Variants in KIAA1328 observed in about 807,000 individuals in gnomAD.
KIAA1328 encodes protein hinderin.
KIAA1328 carries 52 observed loss-of-function variants against 68.1 expected under a neutral mutation model. The observed-to-expected ratio is 0.76, with a 90% CI of 0.61 to 0.96. The LOEUF (loss-of-function observed/expected upper bound fraction) is 0.96, where lower values mean the gene tolerates loss of function less well. Among genes scored for constraint, KIAA1328 ranks in the 40% least tolerant of loss-of-function variants. The pLI is 0.00. For synonymous variants in KIAA1328, 232 were observed against 239.4 expected, an observed-to-expected ratio of 0.97 and a Z score of 0.28; for missense variants, 641 against 677.6, an observed-to-expected ratio of 0.95 and a Z score of 0.60.
intron 7 of KIAA1328, among the ~76,000 whole-genome samples, chr18:37,089,135 G>A (rs2057192146): frequency 6.6e-6 from 1 of 151,978 alleles, no homozygotes; most frequent in Non-Finnish European, 1.5e-5. Context: ...TTTCCTAGGA[G>A]GGTGTGGTGG....
chr18:37,114,726 T>C (rs2058050293), intron 7 of KIAA1328, among the ~76,000 whole-genome samples: 2 of 151,766 alleles, frequency 1.3e-5, no homozygotes, highest in South Asian at 4.2e-4. Context: ...CAGGAGCTGG[T>C]TTTTTTGAAA....
chr18:36,880,299 G>C (rs1345176821), intron 4 of KIAA1328, among the ~76,000 whole-genome samples: 1 of 152,124 alleles, frequency 6.6e-6, no homozygotes, highest in Non-Finnish European at 1.5e-5. Context: ...CCAATGCCTT[G>C]CGCTTCCGGG....
At chr18:37,161,220 C>CA (rs1397252639) in intron 8 of KIAA1328, among the ~76,000 whole-genome samples, 1 of 152,186 alleles carries the variant, frequency 6.6e-6, no homozygotes, top group Non-Finnish European at 1.5e-5. Context: ...TGGTGTCATG[C>CA]AACCTACTTT....
intron 9 of KIAA1328, among the ~76,000 whole-genome samples, chr18:37,212,359 G>A (rs927194060): frequency 6.6e-6 from 1 of 152,084 alleles, no homozygotes; most frequent in Non-Finnish European, 1.5e-5. Flanking sequence ...TCATACCATA[G>A]AAAATGTCAT....
At chr18:37,008,548 G>C (rs1269239093) in intron 6 of KIAA1328, among the ~76,000 whole-genome samples, 1 of 152,168 alleles carries the variant, frequency 6.6e-6, no homozygotes, top group Non-Finnish European at 1.5e-5. Context: ...CATCTCTCTA[G>C]AGAAAAGATA....
intron 6 of KIAA1328, among the ~76,000 whole-genome samples, chr18:37,034,441 A>G (rs1434660977): frequency 6.6e-6 from 1 of 152,174 alleles, no homozygotes; most frequent in Non-Finnish European, 1.5e-5. Context: ...GAGTTGAATA[A>G]GAACTACAGA....
At chr18:37,140,537 A>G (rs963984662) in intron 7 of KIAA1328, among the ~76,000 whole-genome samples, 2 of 152,092 alleles carry the variant, frequency 1.3e-5, no homozygotes, top group Non-Finnish European at 1.5e-5. Context: ...AACTTCAAGA[A>G]CTGAGAATGT....
chr18:37,057,848 G>C (rs1362891643), intron 6 of KIAA1328, among the ~76,000 whole-genome samples: 3 of 152,114 alleles, frequency 2.0e-5, no homozygotes, highest in Admixed American at 1.3e-4. Flanking sequence ...GAGCTGTGCA[G>C]CTATGACAAG....
In KIAA1328 at chr18:36,848,678, A is replaced by G. The variant is rs1328275376; in HGVS notation, c.332+4376A>G. Among the ~76,000 whole-genome samples the G allele has an allele frequency of 1.4e-4, 21 of 150,428 alleles. No individual in the cohort carries two copies. The Admixed American group carries it at 1.4e-3, about 10-fold the overall frequency. On this transcript the variant is annotated intron_variant, in intron 4 of 9. Coordinates refer to ENST00000280020, the MANE Select transcript of KIAA1328 (RefSeq NM_020776.3). ...AATCTTTCACCATTATGTACAATGTAAGCTGTACATTTTTTAATAGATGTT... is the reference window on the plus strand; with the variant it reads ...AATCTTTCACCATTATGTACAATGTGAGCTGTACATTTTTTAATAGATGTT...
downstream of KIAA1328, chr18:37,229,649 C>G (rs542307782): frequency 1.1e-6 from 1 of 883,082 alleles, no homozygotes. Context: ...CCGAGGCAGC[C>G]GGATCATGAG....
At chr18:36,924,217 ATGTTT>A (rs2050031145) in intron 5 of KIAA1328, among the ~76,000 whole-genome samples, 1 of 152,154 alleles carries the variant, frequency 6.6e-6, no homozygotes, top group African/African-American at 2.4e-5. Context: ...ACTCAATATA[ATGTTT>A]TGAAATAATA....
chr18:37,221,740 A>T (rs1036829397), intron 9 of KIAA1328, among the ~76,000 whole-genome samples: 9 of 152,196 alleles, frequency 5.9e-5, no homozygotes, highest in Non-Finnish European at 1.3e-4. Flanking sequence ...CATTACTGTT[A>T]TCATGATTAC....
At chr18:36,992,636 A>C (rs1317796440) in intron 6 of KIAA1328, among the ~76,000 whole-genome samples, 1 of 152,062 alleles carries the variant, frequency 6.6e-6, no homozygotes, top group African/African-American at 2.4e-5. Context: ...TATGTAATTG[A>C]GCATTTTTAC....
At chr18:37,060,735 T>C (rs1035895238) in intron 6 of KIAA1328, among the ~76,000 whole-genome samples, 1 of 152,190 alleles carries the variant, frequency 6.6e-6, no homozygotes, top group Non-Finnish European at 1.5e-5. Context: ...TATTCATACA[T>C]GCTTTATTCA....
chr18:37,103,801 A>T (rs1424742138), intron 7 of KIAA1328, among the ~76,000 whole-genome samples: 2 of 102,296 alleles, frequency 2.0e-5, no homozygotes, highest in East Asian at 6.2e-4. Flanking sequence ...TTCAATAGCA[A>T]ATACACACAC....
intron 7 of KIAA1328, among the ~76,000 whole-genome samples, chr18:37,143,407 A>T (rs1374532564): frequency 6.6e-6 from 1 of 152,020 alleles, no homozygotes; most frequent in East Asian, 1.9e-4. Context: ...GATGTAGTCT[A>T]CCAGTGTTTA....
chr18:37,200,213 G>T (rs1311491143), intron 9 of KIAA1328, among the ~76,000 whole-genome samples: 2 of 152,246 alleles, frequency 1.3e-5, no homozygotes, highest in Admixed American at 6.5e-5. Context: ...CTTGGGGAGT[G>T]CTCCATTACT....
At chr18:36,907,221 T>A (rs1366511258) in intron 5 of KIAA1328, among the ~76,000 whole-genome samples, 1 of 152,082 alleles carries the variant, frequency 6.6e-6, no homozygotes, top group Non-Finnish European at 1.5e-5. Flanking sequence ...TGAGCAATTG[T>A]GTTATCTGTA....
intron 2 of KIAA1328, among the ~76,000 whole-genome samples, 161 bp downstream of exon 2, chr18:36,834,516 T>G (rs1430011740): frequency 6.6e-6 from 1 of 152,226 alleles, no homozygotes; most frequent in Non-Finnish European, 1.5e-5. Flanking sequence ...CATAACCCTA[T>G]TAAGGTTTGA....
Sources: allele counts gnomAD v4.1 joint callset (sites outside exome capture counted in the v4.1 genomes callset), GRCh38; gene constraint gnomAD v4.1.1; transcripts MANE v1.5; gene names NCBI Gene and HGNC (gene_info 2026-07-23, HGNC 2026-07-21).